Variants in RASGEF1C observed in about 807,000 individuals in gnomAD.
RASGEF1C encodes RasGEF domain family member 1C, also known as ras-GEF domain-containing family member 1C.
A neutral mutation model predicts 58.1 loss-of-function variants in RASGEF1C; 27 were observed. That is an observed-to-expected ratio of 0.46 (90% CI 0.34 to 0.64). The LOEUF is 0.64. Among genes scored for constraint, RASGEF1C ranks in the 30% least tolerant of loss-of-function variants. RASGEF1C has a pLI of 0.01. For synonymous variants in RASGEF1C, 243 were observed against 246.3 expected, an observed-to-expected ratio of 0.99 and a Z score of 0.13; for missense variants, 502 against 605.1, an observed-to-expected ratio of 0.83 and a Z score of 1.79.
rs180729210 is a variant in RASGEF1C, at chr5:180,198,813, T to C, written c.-7+10215A>G. On this transcript the variant is annotated intron_variant, in intron 1 of 13. Coordinates refer to ENST00000361132, the MANE Select transcript of RASGEF1C (RefSeq NM_175062.4). This position sits in a 1 kb window ranked among gnomAD's most constrained non-coding sequence, Gnocchi z 4.5. ...TGACCTGGGCACCTTCTGCTGCTTC[T>C]GGGATCCTTTAGGGGGTCCTGCATG... Among the ~76,000 whole-genome samples the C allele has an allele frequency of 2.3e-4, 35 of 152,304 alleles. No homozygotes were observed. Among genetic ancestry groups the C allele is most frequent in the African/African-American group, 7.9e-4 (33 of 41,560 alleles).
chr5:180,132,478 C>A (rs1241731784), intron 4 of RASGEF1C, among the ~76,000 whole-genome samples: 1 of 152,236 alleles, frequency 6.6e-6, no homozygotes, highest in East Asian at 1.9e-4. Context: ...CCTCCTGAGC[C>A]AGCCTAGGGC....
At position 180,197,817 on chromosome 5, in the gene RASGEF1C, A is replaced by G. The variant is rs528167218; in HGVS notation, c.-7+11211T>C. Among the ~76,000 whole-genome samples the G allele has an allele frequency of 6.6e-6, 1 of 152,332 alleles. No homozygotes were observed. Among genetic ancestry groups the G allele is most frequent in the African/African-American group, 2.4e-5 (1 of 41,568 alleles). ...TTTTGAACACTGTCTGGATTTTAAA[A>G]CAAACAACTAAACAACTTCCTGACC... On this transcript the variant is annotated intron_variant, in intron 1 of 13. Transcript: ENST00000361132. The surrounding 1 kb of genome is among the most constrained non-coding windows in gnomAD (Gnocchi z 4.7).
At chr5:180,115,441 C>T in intron 10 of RASGEF1C, 1 of 327,564 alleles carries the variant, frequency 3.1e-6, no homozygotes, top group Non-Finnish European at 6.1e-6. Context: ...CTGTGAAGGG[C>T]TGCGGGCTGC....
chr5:180,199,987 C>T (rs971293731), intron 1 of RASGEF1C, among the ~76,000 whole-genome samples: 25 of 152,088 alleles, frequency 1.6e-4, no homozygotes, highest in Middle Eastern at 3.2e-3. Flanking sequence ...TCGGGTCGGA[C>T]GTGGTGGCTC....
At chr5:180,183,937 C>T (rs1016457467) in intron 1 of RASGEF1C, among the ~76,000 whole-genome samples, 3 of 152,104 alleles carry the variant, frequency 2.0e-5, no homozygotes, top group Non-Finnish European at 2.9e-5. Flanking sequence ...TTTGGGAGCC[C>T]GAGGCTGGCA....
chr5:180,182,094 A>C (rs1331756932), intron 1 of RASGEF1C, among the ~76,000 whole-genome samples: 1 of 151,088 alleles, frequency 6.6e-6, no homozygotes, highest in Non-Finnish European at 1.5e-5. Context: ...AGTCCCAGCT[A>C]CACGGGAGGC....
intron 1 of RASGEF1C, among the ~76,000 whole-genome samples, chr5:180,162,741 TTTATA>T (rs1174927982): frequency 6.6e-6 from 1 of 152,260 alleles, no homozygotes; most frequent in African/African-American, 2.4e-5. Context: ...TTAGAATTAC[TTTATA>T]TATTTCCACA....
chr5:180,175,105 G>A (rs1371581500), intron 1 of RASGEF1C, among the ~76,000 whole-genome samples: 2 of 152,092 alleles, frequency 1.3e-5, no homozygotes, highest in Admixed American at 6.5e-5. Context: ...GGACCCAGCC[G>A]CCATCCTGGA....
rs1359910707 is a variant in RASGEF1C, at chr5:180,156,904, TA to T, written c.-6-18847del. 5.3e-5 allele frequency among the ~76,000 whole-genome samples: 8 copies of T among 151,928 alleles called. No individual in the cohort carries two copies. In the South Asian group the frequency reaches 8.3e-4, roughly 16 times the overall value. ...ACCAAAGAAGATATAAGACGGAAAATAAGCATTTACAAAGGTGCTTCACATC... is the reference window on the plus strand; with the variant it reads ...ACCAAAGAAGATATAAGACGGAAAATAGCATTTACAAAGGTGCTTCACATC... On this transcript the variant is annotated intron_variant, in intron 1 of 13. Coordinates refer to ENST00000361132, the MANE Select transcript of RASGEF1C (RefSeq NM_175062.4). The surrounding 1 kb of genome is among the most constrained non-coding windows in gnomAD (Gnocchi z 4.9).
At chr5:180,180,351 C>T (rs1377623611) in intron 1 of RASGEF1C, among the ~76,000 whole-genome samples, 1 of 152,258 alleles carries the variant, frequency 6.6e-6, no homozygotes, top group Non-Finnish European at 1.5e-5. Context: ...TGCCTCTTTC[C>T]TAAAGCCAGT....
chr5:180,196,179 G>T lies in RASGEF1C; in HGVS notation c.-7+12849C>A, dbSNP rs575488534. Among the ~76,000 whole-genome samples the T allele has an allele frequency of 9.3e-5, 14 of 150,330 alleles. No homozygotes were observed. In the South Asian group the frequency reaches 2.9e-3, roughly 32 times the overall value. ...TGTTCTGTTTGGGAAGCCTATTAAT[G>T]ATAAATTCAACTTATTTAACAGAAA... is the stretch of plus-strand genomic sequence containing the variant. On this transcript the variant is annotated intron_variant, in intron 1 of 13. Transcript: ENST00000361132.
chr5:180,128,797 G>A (rs1766311113), intron 4 of RASGEF1C, among the ~76,000 whole-genome samples, 187 bp from the exon 5 acceptor site: 1 of 152,230 alleles, frequency 6.6e-6, no homozygotes. Context: ...TCCCGGCCAG[G>A]GTGGGGCCAC....
chr5:180,147,744 C>T (rs1042241721), intron 1 of RASGEF1C, among the ~76,000 whole-genome samples: 3 of 152,146 alleles, frequency 2.0e-5, no homozygotes, highest in Non-Finnish European at 2.9e-5. Flanking sequence ...GAATATCCCA[C>T]GTGCACTTTA....
In RASGEF1C at chr5:180,156,855, G is replaced by T. The variant is rs1766857733; in HGVS notation, c.-6-18797C>A. Among the ~76,000 whole-genome samples the T allele has an allele frequency of 6.6e-6, 1 of 152,198 alleles. No individual in the cohort carries two copies. On this transcript the variant is annotated intron_variant, in intron 1 of 13. Transcript: ENST00000361132. The surrounding 1 kb of genome is among the most constrained non-coding windows in gnomAD (Gnocchi z 4.9). Reference sequence around the variant, plus strand: ...AACAAACAACCTGATTAATAAAGGAGACAAAGACCTTAACAGGCACCTGAC... The same window carrying T: ...AACAAACAACCTGATTAATAAAGGATACAAAGACCTTAACAGGCACCTGAC...
chr5:180,103,836 G>T (rs528335512), intron 12 of RASGEF1C, among the ~76,000 whole-genome samples: 1 of 152,320 alleles, frequency 6.6e-6, no homozygotes, highest in South Asian at 2.1e-4. Flanking sequence ...AACTTGTCAT[G>T]CTGATAAATT....
chr5:180,117,554 C>T (rs951279220), intron 10 of RASGEF1C, among the ~76,000 whole-genome samples: 18 of 152,304 alleles, frequency 1.2e-4, no homozygotes, highest in Non-Finnish European at 1.3e-4. Flanking sequence ...CTCTAATCAT[C>T]AGGATGGTAA....
intron 7 of RASGEF1C, among the ~76,000 whole-genome samples, chr5:180,119,939 C>A (rs1002226048): frequency 6.6e-6 from 1 of 152,106 alleles, no homozygotes; most frequent in African/African-American, 2.4e-5. Flanking sequence ...GGACTTCAGA[C>A]CCCTGTGATG....
At chr5:180,174,523 CGT>C (rs140271497) in intron 1 of RASGEF1C, among the ~76,000 whole-genome samples, 10,823 of 146,044 alleles carry the variant, frequency 0.074, 426 homozygotes, top group Middle Eastern at 0.098. Context: ...CGCGTACACA[CGT>C]GTGTCTCTGT....
chr5:180,141,513 C>T (rs555956050), intron 1 of RASGEF1C, among the ~76,000 whole-genome samples: 3 of 152,284 alleles, frequency 2.0e-5, no homozygotes, highest in African/African-American at 7.2e-5. Flanking sequence ...ACAGTCATCA[C>T]GTTCACAGAG....
Sources: gnomAD v4.1 joint callset for allele counts (sites outside exome capture counted in the v4.1 genomes callset) on GRCh38, gnomAD v4.1.1 for gene constraint, Gnocchi (gnomAD v3.1) non-coding constraint, MANE v1.5 for transcripts, NCBI Gene and HGNC (gene_info 2026-07-23, HGNC 2026-07-21) for gene names.